The following TTLL8 variants were observed in gnomAD, a reference collection of about 807,000 sequenced individuals.
TTLL8 encodes the protein protein monoglycylase TTLL8.
A neutral mutation model predicts 77.8 loss-of-function variants in TTLL8; 65 were observed. That is an observed-to-expected ratio of 0.84 (90% confidence interval 0.68 to 1.03). TTLL8 has a LOEUF of 1.03. TTLL8 is among the 50% of genes least tolerant of loss of function. The pLI is 0.00. For missense variants in TTLL8, 910 were observed against 1,004.5 expected (o/e 0.91, Z 1.27); for synonymous variants, 402 against 422.8 (o/e 0.95, Z 0.60).
chr22:50,020,535 G>A (rs2061188827), intron 12 of TTLL8, among the ~76,000 whole-genome samples: 1 of 142,840 alleles, frequency 7.0e-6, no homozygotes, highest in African/African-American at 2.6e-5. Context: ...ATCTGATGAT[G>A]TGTACTCCTC....
intron 9 of TTLL8, 83 bp from the exon 11 acceptor site, chr22:50,033,528 A>G: frequency 8.1e-7 from 1 of 1,238,606 alleles, no homozygotes; most frequent in East Asian, 5.3e-5. Context: ...GCAGGGTCGC[A>G]GCTTGGCCCT....
chr22:50,025,715 A>T (rs934892009), intron 12 of TTLL8, among the ~76,000 whole-genome samples: 1 of 152,220 alleles, frequency 6.6e-6, no homozygotes, highest in Non-Finnish European at 1.5e-5. Context: ...CAAGCAACCT[A>T]ATTTTACAAT....
chr22:50,048,949 G>A (rs1334695455), intron 3 of TTLL8, among the ~76,000 whole-genome samples: 2 of 152,202 alleles, frequency 1.3e-5, no homozygotes, highest in Non-Finnish European at 2.9e-5. Context: ...GAGCCCTGCC[G>A]GGCCTCAGTG....
chr22:50,034,550 GC>G lies in TTLL8; in HGVS notation c.922-89del. The G allele has an allele frequency of 7.9e-7, 1 of 1,259,526 alleles. No homozygotes were observed. The highest frequency in any genetic ancestry group is 1.0e-6 in the Non-Finnish European group (1 of 961,448). 78.0% of individuals were successfully genotyped at this position (1,259,526 alleles called of 1,614,324 possible). ...AAGTGCATGAGACTTGGAGGCCTGG[GC>G]CCCGCCTCACCCACCAAGCAGGCGC... On this transcript the variant is annotated intron_variant, in intron 8 of 13. Coordinates refer to ENST00000266182, the Ensembl canonical transcript of TTLL8. This position sits in a 1 kb window ranked among gnomAD's most constrained non-coding sequence, Gnocchi z 4.1.
intron 1 of TTLL8, among the ~76,000 whole-genome samples, chr22:50,053,510 C>A (rs2061455186): frequency 6.6e-6 from 1 of 151,988 alleles, no homozygotes; most frequent in Non-Finnish European, 1.5e-5. Flanking sequence ...AATGCGGTAC[C>A]CAGAGGGATA....
intron 1 of TTLL8, 106 bp from the exon 4 acceptor site, chr22:50,050,353 G>T: frequency 1.3e-6 from 1 of 780,218 alleles, no homozygotes; most frequent in Non-Finnish European, 1.8e-6. Context: ...GAGATTTGGG[G>T]GCACCCATCA....
At chr22:50,057,396 A>G (rs2061479895), upstream of TTLL8, among the ~76,000 whole-genome samples, 1 of 42,246 alleles carries the variant, frequency 2.4e-5, no homozygotes, top group East Asian at 6.3e-4. Context: ...GGTTGGGGTC[A>G]GGTCTGGGTT....
At chr22:50,026,294 C>T (rs920741101) in intron 12 of TTLL8, among the ~76,000 whole-genome samples, 5 of 151,064 alleles carry the variant, frequency 3.3e-5, no homozygotes, top group African/African-American at 7.3e-5. Flanking sequence ...CCACCCTGCA[C>T]AGCCGCCACC....
Position 50,033,458 on chromosome 22 carries a change from A to G in TTLL8, c.1040-13T>C. On this transcript the variant is annotated splice_polypyrimidine_tract_variant and intron_variant, in intron 9 of 13. Transcript: ENST00000266182. ...ATGCACACTATGTCTGCAAGAGGCC[A>G]CCGCTCAACCCAGCATGCACAGCCA... 7.4e-7 allele frequency: 1 copy of G among 1,355,342 alleles called. No individual in the cohort carries two copies. The highest frequency in any genetic ancestry group is 2.1e-4 in the Middle Eastern group (1 of 4,750). 84.0% of individuals were successfully genotyped at this position (1,355,342 alleles called of 1,614,324 possible). A position where few individuals can be genotyped will look rare whatever the true frequency, so the allele number is the denominator to read the frequency against.
exon 2 of TTLL8, chr22:50,050,211 C>T (rs1209878699): frequency 7.4e-7 from 1 of 1,356,400 alleles, no homozygotes; most frequent in Admixed American, 2.0e-5. Context: ...GCCCGGACCA[C>T]CGGGTAGTGT....
intron 12 of TTLL8, among the ~76,000 whole-genome samples, chr22:50,019,972 C>G (rs1409260109): frequency 6.6e-6 from 1 of 152,120 alleles, no homozygotes; most frequent in Non-Finnish European, 1.5e-5. Flanking sequence ...AAAATCCTCA[C>G]CAAAATAAAA....
intron 5 of TTLL8, 151 bp downstream of exon 7, chr22:50,045,705 C>T: frequency 8.4e-7 from 1 of 1,187,590 alleles, no homozygotes; most frequent in Non-Finnish European, 1.1e-6. Flanking sequence ...GGCCCCTGGC[C>T]TCTGTACTGC....
exon 3 of TTLL8, chr22:50,049,303 G>T: frequency 2.9e-6 from 4 of 1,367,632 alleles, no homozygotes; most frequent in Non-Finnish European, 3.9e-6. Context: ...GATTTTCTTT[G>T]ACTTTGGCAC....
At chr22:50,026,259 A>G (rs2061228896) in intron 12 of TTLL8, among the ~76,000 whole-genome samples, 2 of 151,892 alleles carry the variant, frequency 1.3e-5, no homozygotes, top group African/African-American at 4.8e-5. Context: ...AGACACGGAA[A>G]TACACCCGCC....
chr22:50,030,502 G>A (rs767617828), exon 12 of TTLL8: 44 of 1,342,678 alleles, frequency 3.3e-5, no homozygotes, highest in Non-Finnish European at 4.0e-5. Context: ...TCCAGCGGGT[G>A]CGCATTTAGC....
At chr22:50,057,252 G>T, upstream of TTLL8, among the ~76,000 whole-genome samples, 1 of 146,136 alleles carries the variant, frequency 6.8e-6, no homozygotes, top group Non-Finnish European at 1.5e-5. Flanking sequence ...TGAGGGATCA[G>T]TTCTAGGTTG....
upstream of TTLL8, among the ~76,000 whole-genome samples, chr22:50,055,782 G>A (rs948806932): frequency 2.0e-5 from 3 of 152,180 alleles, no homozygotes; most frequent in African/African-American, 2.4e-5. Context: ...GGGAGAGGGG[G>A]TGTGGCCGGA....
intron 1 of TTLL8, among the ~76,000 whole-genome samples, chr22:50,051,439 A>C (rs1221884853): frequency 1.3e-5 from 2 of 152,194 alleles, no homozygotes; most frequent in African/African-American, 4.8e-5. Flanking sequence ...TCGTTGGTTG[A>C]TGGGCATTTT....
At chr22:50,033,074 T>C in intron 10 of TTLL8, 128 bp downstream of exon 11, 1 of 1,161,280 alleles carries the variant, frequency 8.6e-7, no homozygotes, top group Non-Finnish European at 1.1e-6. Context: ...TCCCCATCTG[T>C]GCCTCTCGTG....
Sources: allele counts gnomAD v4.1 joint callset (sites outside exome capture counted in the v4.1 genomes callset), GRCh38; gene constraint gnomAD v4.1.1; non-coding constraint Gnocchi (gnomAD v3.1); transcripts MANE v1.5; gene names NCBI Gene and HGNC (gene_info 2026-07-23, HGNC 2026-07-21).